The following EBF4 variants were observed in gnomAD, a reference collection of about 807,000 sequenced individuals.
EBF4 encodes the protein transcription factor COE4.
EBF4 carries 34 observed loss-of-function variants against 67.1 expected under a neutral mutation model. The ratio of observed to expected loss-of-function variants is 0.51; its 90% confidence interval spans 0.39 to 0.67. The LOEUF (loss-of-function observed/expected upper bound fraction) is 0.67. Ranked by LOEUF, EBF4 falls within the 30% of genes least tolerant of loss-of-function variation. The pLI is 0.00. For synonymous variants in EBF4, 387 were observed against 377.7 expected (o/e 1.02, Z -0.29); for missense variants, 837 against 873.3 (o/e 0.96, Z 0.52).
At chr20:2,701,511 C>T (rs4141590) in intron 1 of EBF4, among the ~76,000 whole-genome samples, 20,276 of 152,290 alleles carry the variant, frequency 0.13, 1,452 homozygotes, top group East Asian at 0.29. Context: ...TGGGGGGCAG[C>T]CAGGACCCAG....
At chr20:2,723,419 C>G (rs904422550) in intron 6 of EBF4, among the ~76,000 whole-genome samples, 5 of 152,046 alleles carry the variant, frequency 3.3e-5, no homozygotes, top group Non-Finnish European at 2.9e-5. Flanking sequence ...GGCGCAATCT[C>G]GGCTCACTGC....
In EBF4 at chr20:2,751,557, G is replaced by C; in HGVS notation, c.1019-143G>C. On this transcript the variant is annotated intron_variant, in intron 10 of 16. Transcript: ENST00000609451. This position sits in a 1 kb window ranked among gnomAD's most constrained non-coding sequence, Gnocchi z 5.2. ...CTGCCGGGGGTGCCTGGAGTTTTCC[G>C]GGGGACTTGGGCTGGGCCTGGTGGA... The C allele has an allele frequency of 1.3e-6, 1 of 767,370 alleles. No individual in the cohort carries two copies. The highest frequency in any genetic ancestry group is 2.1e-6 in the Non-Finnish European group (1 of 477,054). The allele number at this position is 767,370 out of a possible 1,614,324, so 47.5% of individuals were successfully genotyped here. A position where few individuals can be genotyped will look rare whatever the true frequency, so the allele number is the denominator to read the frequency against.
In EBF4 at chr20:2,707,611, G is replaced by T. The variant is rs2087477330; in HGVS notation, c.415-336G>T. On this transcript the variant is annotated intron_variant, in intron 4 of 16. Transcript: ENST00000609451. This position sits in a 1 kb window ranked among gnomAD's most constrained non-coding sequence, Gnocchi z 4.6. ...GGAGGGGAGGGGCCTGGTGCTGGGT[G>T]GGCACAGGAGTATGTCTACCCCACC... Among the ~76,000 whole-genome samples, 1 of 152,056 alleles carries T rather than the reference G, an allele frequency of 6.6e-6. No homozygotes were observed. The highest frequency in any genetic ancestry group is 2.4e-5 in the African/African-American group (1 of 41,382).
chr20:2,693,920 C>T lies in EBF4; in HGVS notation c.137+138C>T. The T allele has an allele frequency of 6.1e-6, 7 of 1,152,116 alleles. No individual in the cohort carries two copies. The highest frequency in any genetic ancestry group is 7.7e-6 in the Non-Finnish European group (7 of 913,562). 71.4% of individuals were successfully genotyped at this position (1,152,116 alleles called of 1,614,324 possible). ...GTCCCGGCGAGCTCCCCGGCCCACC[C>T]CGTCCGGAGTGCCTGTGCTGCCTCC... On this transcript the variant is annotated intron_variant, in intron 1 of 16. Transcript: ENST00000609451. This position sits in a 1 kb window ranked among gnomAD's most constrained non-coding sequence, Gnocchi z 4.6.
At chr20:2,730,186 G>A (rs1470149551) in intron 6 of EBF4, among the ~76,000 whole-genome samples, 1 of 152,186 alleles carries the variant, frequency 6.6e-6, no homozygotes, top group Non-Finnish European at 1.5e-5. Flanking sequence ...TAAAACAGAT[G>A]TTAATTATCT....
exon 13 of EBF4, chr20:2,752,090 T>A: frequency 6.9e-7 from 1 of 1,456,606 alleles, no homozygotes; most frequent in Non-Finnish European, 9.0e-7. Flanking sequence ...TCGCAGGAGC[T>A]GCTCCTGAAG....
At chr20:2,716,935 C>T (rs973171132) in intron 6 of EBF4, among the ~76,000 whole-genome samples, 1 of 152,218 alleles carries the variant, frequency 6.6e-6, no homozygotes, top group African/African-American at 2.4e-5. Context: ...CTTCCCTGAA[C>T]ATTCTTCAGT....
intron 6 of EBF4, among the ~76,000 whole-genome samples, chr20:2,742,422 G>A (rs1219363705): frequency 6.6e-6 from 1 of 152,136 alleles, no homozygotes. Flanking sequence ...TGTTTGTTTT[G>A]TTTTTGCATA....
At position 2,693,802 on chromosome 20, in the gene EBF4, C is replaced by T; in HGVS notation, c.137+20C>T. The T allele has an allele frequency of 7.8e-7, 1 of 1,274,182 alleles. No homozygotes were observed. Among genetic ancestry groups the T allele is most frequent in the South Asian group, 2.5e-5 (1 of 39,708 alleles). The allele number at this position is 1,274,182 out of a possible 1,614,324, so 78.9% of individuals were successfully genotyped here. On this transcript the variant is annotated intron_variant, in intron 1 of 16. Transcript: ENST00000609451. This position sits in a 1 kb window ranked among gnomAD's most constrained non-coding sequence, Gnocchi z 4.6. ...GCAGAGGTAAGCGCTCGGACCGGAC[C>T]CGGTGCGCTCGGGTTGGACGGCTGC...
At chr20:2,700,382 C>G (rs1330222120) in intron 1 of EBF4, among the ~76,000 whole-genome samples, 2 of 152,168 alleles carry the variant, frequency 1.3e-5, no homozygotes. Context: ...TCCCCCTTCT[C>G]TCCCCCTTTC....
rs1244296019 is a variant in EBF4, at chr20:2,707,462, G to A, written c.415-485G>A. Among the ~76,000 whole-genome samples the A allele has an allele frequency of 1.3e-5, 2 of 152,116 alleles. No individual in the cohort carries two copies. The highest frequency in any genetic ancestry group is 1.9e-4 in the East Asian group (1 of 5,188). On this transcript the variant is annotated intron_variant, in intron 4 of 16. Transcript: ENST00000609451. This position sits in a 1 kb window ranked among gnomAD's most constrained non-coding sequence, Gnocchi z 4.6. ...GGAAGAGGCGATAGTTATCTAGGGG[G>A]AAGAGGCAGCTGTGCAGCCCTCGGA...
rs1804014229 is a variant in EBF4 at position 2,745,718 on chromosome 20, A to G, written c.558-2831A>G. On this transcript the variant is annotated intron_variant, in intron 6 of 16. Transcript: ENST00000609451. This position sits in a 1 kb window ranked among gnomAD's most constrained non-coding sequence, Gnocchi z 5.2. The stretch of plus-strand genomic sequence containing the variant: ...TAAAGGATGTCCCAGAGGCAGGACT[A>G]GAAGGTGTCACGGCAGCCGTCAATC... Among the ~76,000 whole-genome samples, 1 of 152,176 alleles carries G rather than the reference A, an allele frequency of 6.6e-6. No homozygotes were observed. Among genetic ancestry groups the G allele is most frequent in the South Asian group, 2.1e-4 (1 of 4,832 alleles).
At chr20:2,716,390 G>A (rs779691400) in intron 6 of EBF4, among the ~76,000 whole-genome samples, 90 of 151,840 alleles carry the variant, frequency 5.9e-4, no homozygotes, top group Non-Finnish European at 1.2e-3. Flanking sequence ...TCAGCCGGGT[G>A]TGGTGGTGCA....
In EBF4 at chr20:2,744,075, AT is replaced by A. The variant is rs370848824; in HGVS notation, c.558-4466del. Among the ~76,000 whole-genome samples the A allele has an allele frequency of 6.4e-3, 656 of 102,418 alleles. 6 individuals are homozygous for A. Among genetic ancestry groups the A allele is most frequent in the African/African-American group, 0.021 (534 of 24,862 alleles). The allele number at this position is 102,418 out of a possible 152,430, so 67.2% of individuals were successfully genotyped here. On this transcript the variant is annotated intron_variant, in intron 6 of 16. Coordinates refer to ENST00000609451, the Ensembl canonical transcript of EBF4. The stretch of plus-strand genomic sequence containing the variant: ...CTCCAGGTCATCAAAGTTTTTATTT[AT>A]TTTTTTTATTTTTTTTTTTTTGAGA...
At position 2,706,324 on chromosome 20, in the gene EBF4, C is replaced by G. The variant is rs1487640678; in HGVS notation, c.414+60C>G. On this transcript the variant is annotated intron_variant, in intron 4 of 16. Transcript: ENST00000609451. ...ACTCTCTTCCCGGACCCTGCCTCCC[C>G]CTGGTCTGAGTGAGCCTCCTTGTTC... The G allele has an allele frequency of 2.8e-5, 44 of 1,543,896 alleles. No homozygotes were observed. In the East Asian group the frequency reaches 7.8e-4, roughly 27 times the overall value.
intron 1 of EBF4, among the ~76,000 whole-genome samples, chr20:2,701,792 A>G (rs971303376): frequency 6.6e-6 from 1 of 152,196 alleles, no homozygotes; most frequent in African/African-American, 2.4e-5. Flanking sequence ...GGGACCTGGG[A>G]GTGCTTCACA....
At chr20:2,706,412 C>A in intron 4 of EBF4, 148 bp downstream of exon 4, 1 of 913,798 alleles carries the variant, frequency 1.1e-6, no homozygotes, top group Non-Finnish European at 1.7e-6. Context: ...CCCACCCCAG[C>A]CTGTGCCGGA....
exon 17 of EBF4, chr20:2,759,298 G>A (rs1456249909): frequency 4.9e-6 from 2 of 407,674 alleles, no homozygotes; most frequent in Non-Finnish European, 9.1e-6. Context: ...AGCCCGGACT[G>A]GAGGTCCCTC....
intron 6 of EBF4, among the ~76,000 whole-genome samples, chr20:2,734,030 G>A (rs1329316786): frequency 1.3e-5 from 2 of 152,006 alleles, no homozygotes; most frequent in African/African-American, 4.8e-5. Flanking sequence ...TTTTTTTGGT[G>A]TGACTTCATT....
Sources: allele counts gnomAD v4.1 joint callset (sites outside exome capture counted in the v4.1 genomes callset), GRCh38; gene constraint gnomAD v4.1.1; non-coding constraint Gnocchi (gnomAD v3.1); transcripts MANE v1.5; gene names NCBI Gene and HGNC (gene_info 2026-07-23, HGNC 2026-07-21).